KDM1A: variants seen among roughly 807,000 people sequenced by gnomAD.
KDM1A encodes lysine-specific histone demethylase 1A.
In KDM1A, 49 loss-of-function variants were observed where a neutral mutation model predicts 109.4. That is an observed-to-expected ratio of 0.45 (90% CI 0.36 to 0.57). KDM1A has a LOEUF of 0.57. Among genes scored for constraint, KDM1A ranks in the 20% least tolerant of loss-of-function variants. The pLI is 0.00. For synonymous variants in KDM1A, 380 were observed against 415.4 expected, an observed-to-expected ratio of 0.91 and a Z score of 1.04; for missense variants, 668 against 1,116.6, an observed-to-expected ratio of 0.60 and a Z score of 5.73.
intron 20 of KDM1A, 177 bp from the exon 21 acceptor site, chr1:23,083,002 T>C (rs1426354729): frequency 3.4e-6 from 2 of 581,752 alleles, no homozygotes; most frequent in Non-Finnish European, 6.1e-6. Context: ...TCATTTCTAC[T>C]TGTCAATTCT....
chr1:23,029,342 A>AT (rs1169280282), intron 1 of KDM1A, among the ~76,000 whole-genome samples: 1 of 152,178 alleles, frequency 6.6e-6, no homozygotes, highest in Non-Finnish European at 1.5e-5. Context: ...AATAATTAGA[A>AT]TTTTTTAATT....
chr1:23,077,188 A>G, intron 15 of KDM1A, 40 bp from the exon 16 acceptor site: 1 of 1,594,792 alleles, frequency 6.3e-7, no homozygotes, highest in Non-Finnish European at 8.6e-7. Context: ...GACACAGATT[A>G]ATAAAAGGTT....
At chr1:23,047,158 G>C (rs1383769414) in intron 3 of KDM1A, among the ~76,000 whole-genome samples, 2 of 152,070 alleles carry the variant, frequency 1.3e-5, no homozygotes, top group Non-Finnish European at 1.5e-5. Flanking sequence ...AGGATGTTTT[G>C]ATTTAGCTTC....
At chr1:23,078,067 GA>G (rs1643516810) in intron 16 of KDM1A, among the ~76,000 whole-genome samples, 2 of 152,170 alleles carry the variant, frequency 1.3e-5, no homozygotes, top group African/African-American at 4.8e-5. Context: ...ACCCATGTAT[GA>G]CTATGTAGGC....
chr1:23,050,597 A>T, intron 4 of KDM1A, 77 bp downstream of exon 4: 1 of 1,194,798 alleles, frequency 8.4e-7, no homozygotes, highest in Non-Finnish European at 1.1e-6. Context: ...GGGAAAAATA[A>T]AAAGAGAAGA....
At chr1:23,063,424 C>T (rs1273344727) in intron 9 of KDM1A, among the ~76,000 whole-genome samples, 2 of 152,112 alleles carry the variant, frequency 1.3e-5, no homozygotes, top group Non-Finnish European at 2.9e-5. Flanking sequence ...AGGTATCTAT[C>T]GTAACTTTGC....
rs1174560818 is a variant in KDM1A at position 23,047,116 on chromosome 1, C to CGA, written c.577+2630_577+2631insGA. ...TGAGTTAGATTATCCAAAATGGTGT[C>CGA]TATTACTTCATTTTGGTACTATCCT... On this transcript the variant is annotated intron_variant, in intron 3 of 20. Coordinates refer to ENST00000400181, the MANE Select transcript of KDM1A (RefSeq NM_001009999.3). Among the ~76,000 whole-genome samples, 3 of 152,232 alleles carry CGA rather than the reference C, an allele frequency of 2.0e-5. No individual in the cohort carries two copies. In the East Asian group the frequency reaches 5.8e-4, roughly 29 times the overall value.
chr1:23,042,419 T>A lies in KDM1A; in HGVS notation c.518-2008T>A, dbSNP rs532960455. Among the ~76,000 whole-genome samples, 696 of 143,796 alleles carry A rather than the reference T, an allele frequency of 4.8e-3. 10 individuals are homozygous for A. The highest frequency in any genetic ancestry group is 0.017 in the African/African-American group (643 of 38,856). The allele number at this position is 143,796 out of a possible 152,430, so 94.3% of individuals were successfully genotyped here. On this transcript the variant is annotated intron_variant, in intron 2 of 20. Coordinates refer to ENST00000400181, the MANE Select transcript of KDM1A (RefSeq NM_001009999.3). ...CAAACGAAACAATGGCAACATTTTT[T>A]AAAAATCTATGAAATATATTATTTT...
chr1:23,032,404 A>G (rs1032767821), intron 2 of KDM1A, among the ~76,000 whole-genome samples: 6 of 152,024 alleles, frequency 3.9e-5, no homozygotes, highest in African/African-American at 1.4e-4. Context: ...TGTTCCCACA[A>G]AAAGTAAACG....
At chr1:23,075,924 G>C (rs1052041715) in intron 15 of KDM1A, among the ~76,000 whole-genome samples, 3 of 152,080 alleles carry the variant, frequency 2.0e-5, no homozygotes, top group African/African-American at 7.2e-5. Flanking sequence ...TGCAGCCTGG[G>C]CAACAAGAGC....
intron 7 of KDM1A, among the ~76,000 whole-genome samples, chr1:23,057,059 G>A (rs890853719): frequency 6.6e-6 from 1 of 152,148 alleles, no homozygotes; most frequent in Non-Finnish European, 1.5e-5. Context: ...TTGGGGATCA[G>A]GGTGTAAGAG....
chr1:23,040,729 A>G (rs1400839836), intron 2 of KDM1A, among the ~76,000 whole-genome samples: 2 of 152,134 alleles, frequency 1.3e-5, no homozygotes, highest in African/African-American at 4.8e-5. Context: ...TCAAGGTTAC[A>G]GTGAACTGTG....
At chr1:23,033,383 G>T (rs1183116408) in intron 2 of KDM1A, among the ~76,000 whole-genome samples, 1 of 152,190 alleles carries the variant, frequency 6.6e-6, no homozygotes, top group Non-Finnish European at 1.5e-5. Context: ...TTAGCCAGGT[G>T]TAGTGGCACG....
rs376265325 is a variant in KDM1A at position 23,073,407 on chromosome 1, A to G, written c.1734+4A>G. 80 of 1,487,758 alleles carry G rather than the reference A, an allele frequency of 5.4e-5. No individual in the cohort carries two copies. The highest frequency in any genetic ancestry group is 3.2e-4 in the East Asian group (14 of 44,288). The allele number at this position is 1,487,758 out of a possible 1,614,324, so 92.2% of individuals were successfully genotyped here. ...CTCCCTTAAGCACTGGGATCAGGTAAGTTTCCCTTATTGTTTATTTTATTG... is the reference window on the plus strand; with the variant it reads ...CTCCCTTAAGCACTGGGATCAGGTAGGTTTCCCTTATTGTTTATTTTATTG... On this transcript the variant is annotated splice_donor_region_variant and intron_variant, in intron 15 of 20. Coordinates refer to ENST00000400181, the MANE Select transcript of KDM1A (RefSeq NM_001009999.3).
Position 23,050,486 on chromosome 1 carries a change from C to A in KDM1A, c.677C>A (p.Thr226Asn). 3 of 1,610,560 alleles carry A rather than the reference C, an allele frequency of 1.9e-6. No homozygotes were observed. Among genetic ancestry groups the A allele is most frequent in the South Asian group, 2.2e-5 (2 of 90,388 alleles). The change falls in exon 4 of 21, where the codon ACC (threonine) becomes AAC (asparagine). Residue 226 changes from threonine to asparagine, a missense_variant. Physicochemically the swap from Thr to Asn is moderately conservative, Grantham distance 65 (BLOSUM62 0). Around this residue, in one of 8 missense-constraint regions of KDM1A, gnomAD observed 149 missense variants for 189.7 expected, o/e 0.79. Coordinates refer to ENST00000400181, the MANE Select transcript of KDM1A (RefSeq NM_001009999.3). ...GATATTATCAGTGGACCACAACAGA[C>A]CCAGAAGGTTTTTCTTTTCATTAGA... ...FPDIISGPQQ[T>N]QKVFLFIRNR...
chr1:23,023,719 T>G (rs1569613926), intron 1 of KDM1A, among the ~76,000 whole-genome samples: 1 of 152,370 alleles, frequency 6.6e-6, no homozygotes, highest in African/African-American at 2.4e-5. Context: ...CTTGTCAGTT[T>G]CTGCAAAAAG....
Position 23,019,909 on chromosome 1 carries a change from C to T in KDM1A, c.313C>T (p.Pro105Ser), listed in dbSNP as rs747171915. ...TPMETGIAET[P>S]EGRRTSRRKR... is the part of the protein sequence containing the mutation. Reference sequence around the variant, plus strand: ...CATGGAAACTGGAATAGCAGAGACTCCGGAGGGGCGTCGGACCAGCCGGCG... The same window carrying T: ...CATGGAAACTGGAATAGCAGAGACTTCGGAGGGGCGTCGGACCAGCCGGCG... The change falls in exon 1 of 21, where the codon CCG (proline) becomes TCG (serine). Residue 105 changes from proline (P) to serine (S), a missense_variant. Transcript: ENST00000400181. The T allele has an allele frequency of 5.1e-6, 8 of 1,573,268 alleles. No homozygotes were observed. The highest frequency in any genetic ancestry group is 6.9e-6 in the Non-Finnish European group (8 of 1,162,268).
intron 9 of KDM1A, among the ~76,000 whole-genome samples, chr1:23,065,096 G>A (rs1162603181): frequency 2.0e-5 from 3 of 152,146 alleles, no homozygotes; most frequent in African/African-American, 7.2e-5. Flanking sequence ...TCTTTCTCAG[G>A]ATACAAGTTA....
chr1:23,077,465 A>G (rs1643499831), intron 16 of KDM1A, 105 bp downstream of exon 16: 1 of 1,198,784 alleles, frequency 8.3e-7, no homozygotes. Flanking sequence ...AGTGTTTATG[A>G]CACCATAGGT....
Sources: allele counts gnomAD v4.1 joint callset (sites outside exome capture counted in the v4.1 genomes callset), GRCh38; gene constraint gnomAD v4.1.1; regional missense constraint gnomAD v4.1.1; transcripts MANE v1.5; gene names NCBI Gene and HGNC (gene_info 2026-07-23, HGNC 2026-07-21).